FCHSD2: variants seen among roughly 807,000 people sequenced by gnomAD.
The protein encoded by FCHSD2 is FCH and double SH3 domains 2, also known as F-BAR and double SH3 domains protein 2.
Under a neutral mutation model 108.1 loss-of-function variants are expected in FCHSD2, and 38 were observed. That is an observed-to-expected ratio of 0.35 (90% CI 0.27 to 0.46). The LOEUF is 0.46. Ranked by LOEUF, FCHSD2 falls within the 20% of genes least tolerant of loss-of-function variation. The probability of loss-of-function intolerance (pLI) is 1.00; values close to 1 mark genes in which losing one functional copy is unlikely to be tolerated. For synonymous variants in FCHSD2, 279 were observed against 314.7 expected (o/e 0.89, Z 1.20); for missense variants, 751 against 897.8 (o/e 0.84, Z 2.09).
At chr11:72,885,375 T>C (rs558951503) in intron 12 of FCHSD2, among the ~76,000 whole-genome samples, 3 of 152,322 alleles carry the variant, frequency 2.0e-5, no homozygotes, top group Non-Finnish European at 4.4e-5. Context: ...AATGTAGACT[T>C]AAATACTTGC....
At chr11:73,108,480 A>C (rs943628092) in intron 2 of FCHSD2, among the ~76,000 whole-genome samples, 7 of 152,166 alleles carry the variant, frequency 4.6e-5, no homozygotes, top group African/African-American at 1.7e-4. Context: ...ATCTTTGCCC[A>C]GTCCAATGCC....
At chr11:72,923,758 G>A (rs1856019617) in intron 8 of FCHSD2, among the ~76,000 whole-genome samples, 1 of 152,058 alleles carries the variant, frequency 6.6e-6, no homozygotes, top group South Asian at 2.1e-4. Context: ...TGGCCAAAAT[G>A]GTGAAACCCC....
chr11:72,908,636 T>A (rs1030985478), intron 9 of FCHSD2, among the ~76,000 whole-genome samples: 5 of 152,236 alleles, frequency 3.3e-5, no homozygotes, highest in African/African-American at 1.2e-4. Context: ...TGATGATTAA[T>A]GATGTTGAGT....
chr11:73,131,336 T>C (rs145970411), intron 2 of FCHSD2, among the ~76,000 whole-genome samples: 1 of 139,982 alleles, frequency 7.1e-6, no homozygotes, highest in Non-Finnish European at 1.5e-5. Flanking sequence ...GCTAACACGG[T>C]GAAACCCCCT....
chr11:73,121,519 A>C (rs1379370444), intron 2 of FCHSD2, among the ~76,000 whole-genome samples: 2 of 152,162 alleles, frequency 1.3e-5, no homozygotes, highest in East Asian at 3.8e-4. Flanking sequence ...CCTCACCTAT[A>C]CAAATAATGA....
At chr11:73,023,722 T>C (rs1858162259) in intron 3 of FCHSD2, among the ~76,000 whole-genome samples, 1 of 152,218 alleles carries the variant, frequency 6.6e-6, no homozygotes, top group Non-Finnish European at 1.5e-5. Flanking sequence ...CACAAATGCT[T>C]CTGGCAGCTT....
Position 72,984,092 on chromosome 11 carries a change from A to G in FCHSD2, c.701T>C (p.Met234Thr). 6.2e-7 allele frequency: 1 copy of G among 1,611,546 alleles called. No homozygotes were observed. Among genetic ancestry groups the G allele is most frequent in the Non-Finnish European group, 8.5e-7 (1 of 1,178,284 alleles). ...RYYQTDLVNIMKALDGNVYDH... is the reference protein window; with the variant it reads ...RYYQTDLVNITKALDGNVYDH... ...TAGATATGAAAGCTGTATTACCTTC[A>G]TAATGTTAACTAAATCTGTTTGATA... Residue 234 changes from methionine to threonine, a missense_variant, in exon 8 of 20, where the codon ATG becomes ACG. Physicochemically the swap from Met to Thr is moderately conservative, Grantham distance 81. Coordinates refer to ENST00000409418, the MANE Select transcript of FCHSD2 (RefSeq NM_014824.3).
chr11:73,139,007 C>T (rs186341497), intron 2 of FCHSD2, among the ~76,000 whole-genome samples: 3 of 152,250 alleles, frequency 2.0e-5, no homozygotes, highest in East Asian at 3.9e-4. Flanking sequence ...CAGAAAACAA[C>T]AATCTTGATA....
At chr11:72,887,150 G>GAT (rs1241971986) in intron 12 of FCHSD2, among the ~76,000 whole-genome samples, 1 of 150,802 alleles carries the variant, frequency 6.6e-6, no homozygotes, top group South Asian at 2.1e-4. Context: ...TATCTAAATT[G>GAT]ATATATATAC....
At position 72,902,654 on chromosome 11, in the gene FCHSD2, A is replaced by G; in HGVS notation, c.829-16T>C. 6.7e-7 allele frequency: 1 copy of G among 1,498,702 alleles called. No homozygotes were observed. The highest frequency in any genetic ancestry group is 1.4e-5 in the African/African-American group (1 of 72,188). 92.8% of individuals were successfully genotyped at this position (1,498,702 alleles called of 1,614,324 possible). ...CCCGGACCACCTAAAGAGAAAATAA[A>G]ATATCTTTAGGTCTTTAATGAGGTT... is the stretch of plus-strand genomic sequence containing the variant. On this transcript the variant is annotated splice_polypyrimidine_tract_variant and intron_variant, in intron 9 of 19. Transcript: ENST00000409418.
intron 8 of FCHSD2, among the ~76,000 whole-genome samples, chr11:72,952,613 C>T (rs1051886827): frequency 6.6e-6 from 1 of 152,124 alleles, no homozygotes; most frequent in African/African-American, 2.4e-5. Context: ...ATATGAGCCA[C>T]CATGCCTGGC....
intron 3 of FCHSD2, among the ~76,000 whole-genome samples, chr11:73,053,150 T>C: frequency 6.6e-6 from 1 of 150,716 alleles, no homozygotes; most frequent in East Asian, 1.9e-4. Flanking sequence ...CCAGCCTTTT[T>C]TTTTTTTTTT....
At chr11:73,107,593 C>A (rs2135540628) in intron 2 of FCHSD2, among the ~76,000 whole-genome samples, 1 of 152,312 alleles carries the variant, frequency 6.6e-6, no homozygotes, top group East Asian at 1.9e-4. Context: ...CAAACACACA[C>A]CCTCACTACC....
intron 10 of FCHSD2, among the ~76,000 whole-genome samples, chr11:72,892,272 A>G (rs1334790578): frequency 6.6e-6 from 1 of 152,166 alleles, no homozygotes; most frequent in African/African-American, 2.4e-5. Context: ...CTTATTTTTT[A>G]TGTGTCTACT....
At chr11:73,036,674 T>C (rs923688356) in intron 3 of FCHSD2, among the ~76,000 whole-genome samples, 1 of 152,202 alleles carries the variant, frequency 6.6e-6, no homozygotes, top group African/African-American at 2.4e-5. Context: ...CTGAGTCCAA[T>C]GAGTAATAGG....
intron 3 of FCHSD2, among the ~76,000 whole-genome samples, chr11:73,051,868 AACACACACACACACACAC>A (rs61511109): frequency 0.016 from 2,292 of 141,808 alleles, 65 homozygotes; most frequent in African/African-American, 0.055. Flanking sequence ...ACGGTATATA[AACACACACACACACACAC>A]ACACACACAC....
At chr11:73,081,376 G>A (rs1859681419) in intron 3 of FCHSD2, among the ~76,000 whole-genome samples, 1 of 152,108 alleles carries the variant, frequency 6.6e-6, no homozygotes, top group Admixed American at 6.5e-5. Context: ...GGAGGGTGCA[G>A]TGAGCCAAGA....
chr11:73,001,251 T>C (rs928950067), intron 4 of FCHSD2, 117 bp from the exon 5 acceptor site: 4 of 806,142 alleles, frequency 5.0e-6, no homozygotes, highest in East Asian at 2.7e-5. Context: ...TTAATGTATT[T>C]ATAATGGCTT....
intron 12 of FCHSD2, among the ~76,000 whole-genome samples, chr11:72,879,628 C>T (rs1465669159): frequency 6.6e-6 from 1 of 152,018 alleles, no homozygotes; most frequent in Non-Finnish European, 1.5e-5. Flanking sequence ...TAAAAATTCA[C>T]AAGATGGCCT....
Sources: gnomAD v4.1 joint callset for allele counts (sites outside exome capture counted in the v4.1 genomes callset) on GRCh38, gnomAD v4.1.1 for gene constraint, MANE v1.5 for transcripts, NCBI Gene and HGNC (gene_info 2026-07-23, HGNC 2026-07-21) for gene names.